SPA17: variants seen among roughly 807,000 people sequenced by gnomAD.
The protein encoded by SPA17 is sperm autoantigenic protein 17.
SPA17 carries 7 observed loss-of-function variants against 13.8 expected under a neutral mutation model. That is an observed-to-expected ratio of 0.51 (90% CI 0.29 to 0.95). The LOEUF (loss-of-function observed/expected upper bound fraction) is 0.95, where lower values mean the gene tolerates loss of function less well. SPA17 is among the 40% of genes least tolerant of loss of function. SPA17 has a pLI of 0.08. For missense variants in SPA17, 170 were observed against 179.3 expected (o/e 0.95, Z 0.30); for synonymous variants, 61 against 59.0 (o/e 1.03, Z -0.16).
rs984960734 is a variant in SPA17, at chr11:124,673,962, C to G, written c.-28+10C>G. 2 of 559,466 alleles carry G rather than the reference C, an allele frequency of 3.6e-6. No homozygotes were observed. The highest frequency in any genetic ancestry group is 6.4e-6 in the Non-Finnish European group (2 of 313,494). 34.7% of individuals were successfully genotyped at this position (559,466 alleles called of 1,614,324 possible). ...CTCGGAGAGAAAGGAGGTGAGGCCG[C>G]TTCCCCACTTCCTCTCCGATACCAA... On this transcript the variant is annotated intron_variant, in intron 1 of 4. Coordinates refer to ENST00000227135, the MANE Select transcript of SPA17 (RefSeq NM_017425.4).
intron 4 of SPA17, 21 bp from the exon 5 acceptor site, chr11:124,694,282 C>T: frequency 6.2e-7 from 1 of 1,602,696 alleles, no homozygotes; most frequent in Non-Finnish European, 8.5e-7. Context: ...GAGTCTCTTA[C>T]TTTTTCTCCT....
chr11:124,693,420 G>A (rs946998976), intron 4 of SPA17, among the ~76,000 whole-genome samples: 3 of 151,718 alleles, frequency 2.0e-5, no homozygotes, highest in African/African-American at 7.3e-5. Context: ...AAGATATATC[G>A]TTACATGGAA....
At chr11:124,693,230 T>A (rs1447824781) in intron 4 of SPA17, among the ~76,000 whole-genome samples, 2 of 152,118 alleles carry the variant, frequency 1.3e-5, no homozygotes, top group East Asian at 3.8e-4. Context: ...TTTAAAAGTT[T>A]AAGAGCTAGA....
At position 124,675,409 on chromosome 11, in the gene SPA17, A is replaced by G; in HGVS notation, c.145A>G (p.Lys49Glu). The change falls in exon 2 of 5, where the codon AAA becomes GAA. Residue 49 changes from lysine (K) to glutamate (E), a missense_variant. Transcript: ENST00000227135. The part of the protein sequence containing the change: ...AAAYFESLLE[K>E]REKTNFDPAE... ...AGCCTATTTTGAGAGCCTTCTAGAG[A>G]AAAGAGAGAGTAAGCTTTCTAAAAT... 6.2e-7 allele frequency: 1 copy of G among 1,608,520 alleles called. No homozygotes were observed. Among genetic ancestry groups the G allele is most frequent in the Non-Finnish European group, 8.5e-7 (1 of 1,178,682 alleles).
chr11:124,694,222 T>G, intron 4 of SPA17, 81 bp from the exon 5 acceptor site: 1 of 1,532,762 alleles, frequency 6.5e-7, no homozygotes, highest in Non-Finnish European at 8.8e-7. Flanking sequence ...CTAAAATGAT[T>G]AAATTTCATC....
Position 124,694,295 on chromosome 11 carries a change from C to A in SPA17, c.313-8C>A. ...AAGAGTCTCTTACTTTTTCTCCTTT[C>A]GATGAAGGACTCTTCTGAGGAAGAT... On this transcript the variant is annotated splice_region_variant and splice_polypyrimidine_tract_variant and intron_variant, in intron 4 of 4. Transcript: ENST00000227135. 1 of 1,603,854 alleles carries A rather than the reference C, an allele frequency of 6.2e-7. No individual in the cohort carries two copies. Among genetic ancestry groups the A allele is most frequent in the Non-Finnish European group, 8.5e-7 (1 of 1,177,662 alleles).
chr11:124,675,257 C>G lies in SPA17; in HGVS notation c.-8C>G. ...CTTTAGGTTCCATAGGCAGTTCTTA[C>G]CAAGAAGATGTCGATTCCATTCTCC... On this transcript the variant is annotated 5_prime_UTR_variant, in exon 2 of 5. Transcript: ENST00000227135. The G allele has an allele frequency of 6.2e-7, 1 of 1,610,762 alleles. No individual in the cohort carries two copies. The highest frequency in any genetic ancestry group is 8.5e-7 in the Non-Finnish European group (1 of 1,179,050).
intron 3 of SPA17, among the ~76,000 whole-genome samples, chr11:124,687,557 A>ATAC (rs1237203131): frequency 6.6e-6 from 1 of 152,246 alleles, no homozygotes; most frequent in Non-Finnish European, 1.5e-5. Context: ...CTTCAACAGA[A>ATAC]TACTAGCAAA....
chr11:124,693,546 T>C (rs1305905359), intron 4 of SPA17, among the ~76,000 whole-genome samples: 1 of 152,104 alleles, frequency 6.6e-6, no homozygotes, highest in Admixed American at 6.6e-5. Context: ...TGGAAGGATG[T>C]AGATACTCAA....
At chr11:124,692,653 T>C (rs1165266052) in intron 4 of SPA17, among the ~76,000 whole-genome samples, 1 of 152,198 alleles carries the variant, frequency 6.6e-6, no homozygotes, top group African/African-American at 2.4e-5. Flanking sequence ...CTTTAATAAC[T>C]TGAAGTCAGC....
chr11:124,684,659 T>C (rs1339829792), intron 3 of SPA17, among the ~76,000 whole-genome samples: 4 of 152,172 alleles, frequency 2.6e-5, no homozygotes, highest in Non-Finnish European at 4.4e-5. Context: ...TCGAACTCTT[T>C]GGAGGGCTCA....
chr11:124,694,551 T>C lies in SPA17; in HGVS notation c.*105T>C, dbSNP rs1943655348. 3 of 1,396,312 alleles carry C rather than the reference T, an allele frequency of 2.1e-6. No homozygotes were observed. The highest frequency in any genetic ancestry group is 9.7e-7 in the Non-Finnish European group (1 of 1,028,478). The allele number at this position is 1,396,312 out of a possible 1,614,324, so 86.5% of individuals were successfully genotyped here. A position where few individuals can be genotyped will look rare whatever the true frequency, so the allele number is the denominator to read the frequency against. On this transcript the variant is annotated 3_prime_UTR_variant, in exon 5 of 5. Transcript: ENST00000227135. ...GGAAGGAAGATTTGATGTTGTGAAATAACATTCGTTACTGTTGTGAAAATC... is the reference window on the plus strand; with the variant it reads ...GGAAGGAAGATTTGATGTTGTGAAACAACATTCGTTACTGTTGTGAAAATC...
chr11:124,681,538 A>G (rs1728957940), intron 3 of SPA17, 79 bp downstream of exon 3: 2 of 1,051,602 alleles, frequency 1.9e-6, no homozygotes, highest in Non-Finnish European at 2.6e-6. Context: ...TATCCCCAGA[A>G]TTGTGAGAAT....
At chr11:124,687,024 A>C (rs557931144) in intron 3 of SPA17, among the ~76,000 whole-genome samples, 161 of 152,266 alleles carry the variant, frequency 1.1e-3, no homozygotes, top group African/African-American at 3.7e-3. Context: ...AAGATAAATA[A>C]AATTGACAAA....
At chr11:124,683,281 C>A (rs902373508) in intron 3 of SPA17, among the ~76,000 whole-genome samples, 1 of 152,170 alleles carries the variant, frequency 6.6e-6, no homozygotes, top group African/African-American at 2.4e-5. Context: ...ATCATGAAAA[C>A]ACAGGAAAGT....
chr11:124,691,723 C>A lies in SPA17; in HGVS notation c.253C>A (p.Pro85Thr). The A allele has an allele frequency of 6.2e-7, 1 of 1,612,118 alleles. No individual in the cohort carries two copies. Among genetic ancestry groups the A allele is most frequent in the South Asian group, 1.1e-5 (1 of 90,792 alleles). Residue 85 changes from proline to threonine, a missense_variant, in exon 4 of 5, where the codon CCT becomes ACT. By Grantham distance (38) the Pro-to-Thr change is conservative (BLOSUM62 -1). Transcript: ENST00000227135. ...EEQEPPEKSD[P>T]KQEESQISGK... ...GCAAGAACCACCTGAGAAAAGTGAT[C>A]CTAAACAAGAAGAGTCTCAGATATC... is the stretch of plus-strand genomic sequence containing the variant.
intron 1 of SPA17, 36 bp from the exon 2 acceptor site, chr11:124,675,202 C>A: frequency 6.5e-7 from 1 of 1,543,862 alleles, no homozygotes; most frequent in Non-Finnish European, 8.7e-7. Context: ...TAAAATCAGA[C>A]AAATTTAAAG....
In SPA17 at chr11:124,696,438, TCTC is replaced by T. The variant is rs1440419071; in HGVS notation, c.*1995_*1997del. 2 of 151,662 alleles carry T rather than the reference TCTC, an allele frequency of 1.3e-5. No homozygotes were observed. Among genetic ancestry groups the T allele is most frequent in the African/African-American group, 4.9e-5 (2 of 41,212 alleles). The allele number at this position is 151,662 out of a possible 1,614,324, so 9.4% of individuals were successfully genotyped here. A position where few individuals can be genotyped will look rare whatever the true frequency, so the allele number is the denominator to read the frequency against. ...AAGATGAGTTAGCTTTTTCAGTAAT[TCTC>T]CTGTTATACACATAAAGTGACTAGC... On this transcript the variant is annotated 3_prime_UTR_variant, in exon 5 of 5. Transcript: ENST00000227135.
At chr11:124,679,245 A>G (rs1943502886) in intron 2 of SPA17, among the ~76,000 whole-genome samples, 1 of 152,058 alleles carries the variant, frequency 6.6e-6, no homozygotes, top group Non-Finnish European at 1.5e-5. Context: ...ATTTCAAGTG[A>G]TATTAAAATG....
Sources: allele counts gnomAD v4.1 joint callset (sites outside exome capture counted in the v4.1 genomes callset), GRCh38; gene constraint gnomAD v4.1.1; transcripts MANE v1.5; gene names NCBI Gene and HGNC (gene_info 2026-07-23, HGNC 2026-07-21).